Variants in PDE9A observed in about 807,000 individuals in gnomAD.
PDE9A encodes the protein phosphodiesterase 9A.
PDE9A carries 60 observed loss-of-function variants against 87.4 expected under a neutral mutation model. The ratio of observed to expected loss-of-function variants is 0.69; its 90% CI spans 0.56 to 0.85. The LOEUF is 0.85. Among genes scored for constraint, PDE9A ranks in the 40% least tolerant of loss-of-function variants. PDE9A has a pLI of 0.00. For synonymous variants in PDE9A, 272 were observed against 279.4 expected, an observed-to-expected ratio of 0.97 and a Z score of 0.27; for missense variants, 665 against 779.0, an observed-to-expected ratio of 0.85 and a Z score of 1.74.
chr21:42,724,213 A>C lies in PDE9A; in HGVS notation c.263-7557A>C, dbSNP rs145931830. On this transcript the variant is annotated intron_variant, in intron 4 of 19. Coordinates refer to ENST00000291539, the MANE Select transcript of PDE9A (RefSeq NM_002606.3). ...GTCACCCCAAGGATGATGACACCCC[A>C]GGGAAGGTGGTGGAAGCAGGAAGGG... Among the ~76,000 whole-genome samples the C allele has an allele frequency of 2.0e-3, 311 of 152,238 alleles. 1 individual carries two copies. Among genetic ancestry groups the C allele is most frequent in the African/African-American group, 7.1e-3 (295 of 41,562 alleles).
chr21:42,670,706 T>C (rs984295599), intron 1 of PDE9A, among the ~76,000 whole-genome samples: 4 of 149,310 alleles, frequency 2.7e-5, no homozygotes, highest in Non-Finnish European at 4.5e-5. Flanking sequence ...CACTCACACA[T>C]ACACTTACAC....
At chr21:42,671,585 T>G (rs1038341504) in intron 1 of PDE9A, among the ~76,000 whole-genome samples, 1 of 152,256 alleles carries the variant, frequency 6.6e-6, no homozygotes, top group African/African-American at 2.4e-5. Context: ...ATATATAATT[T>G]GTAACTAGAG....
At position 42,692,688 on chromosome 21, in the gene PDE9A, C is replaced by G. The variant is rs1016507925; in HGVS notation, c.218+4694C>G. On this transcript the variant is annotated intron_variant, in intron 3 of 19. Coordinates refer to ENST00000291539, the MANE Select transcript of PDE9A (RefSeq NM_002606.3). This position sits in a 1 kb window ranked among gnomAD's most constrained non-coding sequence, Gnocchi z 4.3. ...ACACGCCACTGATGCTCTTCTGACC[C>G]AGGGGCTTTTCTCTCCCGCTTCCGT... 1.3e-5 allele frequency among the ~76,000 whole-genome samples: 2 copies of G among 152,128 alleles called. No homozygotes were observed. Among genetic ancestry groups the G allele is most frequent in the African/African-American group, 4.8e-5 (2 of 41,424 alleles).
At position 42,670,347 on chromosome 21, in the gene PDE9A, TAC is replaced by T. The variant is rs377130654; in HGVS notation, c.70-15837_70-15836del. Among the ~76,000 whole-genome samples the T allele has an allele frequency of 3.3e-3, 346 of 103,294 alleles. 1 individual carries two copies. The highest frequency in any genetic ancestry group is 0.016 in the African/African-American group (263 of 16,778). The allele number at this position is 103,294 out of a possible 152,430, so 67.8% of individuals were successfully genotyped here. ...ACATTCACACACATTCACATACATTTACACACACATCCACACACACATTCACA... is the reference window on the plus strand; with the variant it reads ...ACATTCACACACATTCACATACATTTACACACATCCACACACACATTCACA... On this transcript the variant is annotated intron_variant, in intron 1 of 19. Coordinates refer to ENST00000291539, the MANE Select transcript of PDE9A (RefSeq NM_002606.3).
At chr21:42,656,536 G>T (rs2057087030) in intron 1 of PDE9A, among the ~76,000 whole-genome samples, 1 of 152,258 alleles carries the variant, frequency 6.6e-6, no homozygotes, top group Non-Finnish European at 1.5e-5. Context: ...TACCTGTGCA[G>T]GTAACCCTGC....
intron 13 of PDE9A, among the ~76,000 whole-genome samples, chr21:42,761,337 G>T (rs2055744872): frequency 6.6e-6 from 1 of 152,264 alleles, no homozygotes; most frequent in Non-Finnish European, 1.5e-5. Context: ...GGAGCCAGAA[G>T]AGAGCAGAAG....
At chr21:42,773,932 T>TCAC (rs1310780582) in intron 19 of PDE9A, among the ~76,000 whole-genome samples, 42 of 147,292 alleles carry the variant, frequency 2.9e-4, no homozygotes, top group African/African-American at 7.8e-4. Context: ...GTGAAACCCT[T>TCAC]CTCTACTAAA....
At position 42,666,825 on chromosome 21, in the gene PDE9A, A is replaced by G. The variant is rs187822193; in HGVS notation, c.69+12942A>G. ...TCAGTCCATAGCACCCGCTTTGGGAAGTGGGAATGACCTCTCCCTTCCCCA... is the reference window on the plus strand; with the variant it reads ...TCAGTCCATAGCACCCGCTTTGGGAGGTGGGAATGACCTCTCCCTTCCCCA... On this transcript the variant is annotated intron_variant, in intron 1 of 19. Coordinates refer to ENST00000291539, the MANE Select transcript of PDE9A (RefSeq NM_002606.3). Among the ~76,000 whole-genome samples, 760 of 152,354 alleles carry G rather than the reference A, an allele frequency of 5.0e-3. 3 individuals are homozygous for G. Among genetic ancestry groups the G allele is most frequent in the Middle Eastern group, 0.02 (6 of 294 alleles).
At chr21:42,664,370 CT>C (rs1411308017) in intron 1 of PDE9A, among the ~76,000 whole-genome samples, 2 of 152,230 alleles carry the variant, frequency 1.3e-5, no homozygotes, top group African/African-American at 4.8e-5. Flanking sequence ...GTGGCAGCCG[CT>C]CCTGATGGTG....
intron 1 of PDE9A, among the ~76,000 whole-genome samples, chr21:42,654,966 C>T (rs1485124931): frequency 6.6e-6 from 1 of 151,648 alleles, no homozygotes; most frequent in African/African-American, 2.4e-5. Context: ...AGCTGGGCAG[C>T]GGCAGACGCA....
chr21:42,669,413 C>T (rs2058258867), intron 1 of PDE9A, among the ~76,000 whole-genome samples: 2 of 152,220 alleles, frequency 1.3e-5, no homozygotes, highest in Admixed American at 6.5e-5. Flanking sequence ...TTTCACTCCA[C>T]ATTTGAATTG....
chr21:42,669,541 C>G (rs1054312735), intron 1 of PDE9A, among the ~76,000 whole-genome samples: 2 of 152,172 alleles, frequency 1.3e-5, no homozygotes, highest in African/African-American at 4.8e-5. Context: ...AGGAGATGAA[C>G]CTTGGGAGGC....
At chr21:42,699,094 T>A in intron 4 of PDE9A, 83 bp downstream of exon 4, 1 of 858,952 alleles carries the variant, frequency 1.2e-6, no homozygotes, top group South Asian at 1.4e-5. Context: ...ATATACTAGT[T>A]AAGCATTTGA....
chr21:42,675,080 C>G lies in PDE9A; in HGVS notation c.70-11112C>G, dbSNP rs1006343668. 1.3e-5 allele frequency among the ~76,000 whole-genome samples: 2 copies of G among 152,238 alleles called. No individual in the cohort carries two copies. The highest frequency in any genetic ancestry group is 1.5e-5 in the Non-Finnish European group (1 of 68,036). On this transcript the variant is annotated intron_variant, in intron 1 of 19. Coordinates refer to ENST00000291539, the MANE Select transcript of PDE9A (RefSeq NM_002606.3). The surrounding 1 kb of genome is among the most constrained non-coding windows in gnomAD (Gnocchi z 4.3). ...CCGAAGTGCCACAGTTGCTGGCGTT[C>G]TCACACAGGTGTGCGTTTAGGAGTG...
chr21:42,741,547 G>T (rs1375365592), intron 7 of PDE9A: 1 of 152,270 alleles, frequency 6.6e-6, no homozygotes, highest in Non-Finnish European at 1.5e-5. Context: ...TCCTCTAGCT[G>T]TTGGGTAGAA....
chr21:42,722,362 G>A lies in PDE9A; in HGVS notation c.263-9408G>A, dbSNP rs2050623981. ...GCTCAGCACCTCGCCCTGTTGCTCT[G>A]GGTTGGGACTAACAAGGTGAAACAT... On this transcript the variant is annotated intron_variant, in intron 4 of 19. Transcript: ENST00000291539. The surrounding 1 kb of genome is among the most constrained non-coding windows in gnomAD (Gnocchi z 4.1). 2.6e-5 allele frequency among the ~76,000 whole-genome samples: 4 copies of A among 152,202 alleles called. No individual in the cohort carries two copies. The highest frequency in any genetic ancestry group is 2.6e-4 in the Admixed American group (4 of 15,290).
In PDE9A at chr21:42,704,235, C is replaced by T. The variant is rs554203328; in HGVS notation, c.262+5224C>T. The stretch of plus-strand genomic sequence containing the variant: ...CTGCGCTTATTCCGCAGTGAGGAGT[C>T]GCTGGCTGTCCAGGGGAGCTGCATT... On this transcript the variant is annotated intron_variant, in intron 4 of 19. Transcript: ENST00000291539. The surrounding 1 kb of genome is among the most constrained non-coding windows in gnomAD (Gnocchi z 5.3). Among the ~76,000 whole-genome samples, 2 of 152,274 alleles carry T rather than the reference C, an allele frequency of 1.3e-5. No homozygotes were observed. Among genetic ancestry groups the T allele is most frequent in the African/African-American group, 4.8e-5 (2 of 41,570 alleles).
intron 1 of PDE9A, among the ~76,000 whole-genome samples, chr21:42,670,523 A>T (rs1346649884): frequency 7.1e-6 from 1 of 140,662 alleles, no homozygotes; most frequent in Non-Finnish European, 1.6e-5. Context: ...CACACAGGCA[A>T]TCACACATTC....
rs1028902467 is a variant in PDE9A, at chr21:42,653,955, G to A, written c.69+72G>A. 26 of 901,156 alleles carry A rather than the reference G, an allele frequency of 2.9e-5. No individual in the cohort carries two copies. In the African/African-American group the frequency reaches 4.6e-4, roughly 16 times the overall value. The allele number at this position is 901,156 out of a possible 1,614,324, so 55.8% of individuals were successfully genotyped here. On this transcript the variant is annotated intron_variant, in intron 1 of 19. Coordinates refer to ENST00000291539, the MANE Select transcript of PDE9A (RefSeq NM_002606.3). ...GCGCCGGGGCCGGGCGCGGCGGGGC[G>A]GGACTGTCCGTGCGTCTGCCGGTCC...
Sources: gnomAD v4.1 joint callset for allele counts (sites outside exome capture counted in the v4.1 genomes callset) on GRCh38, gnomAD v4.1.1 for gene constraint, Gnocchi (gnomAD v3.1) non-coding constraint, MANE v1.5 for transcripts, NCBI Gene and HGNC (gene_info 2026-07-23, HGNC 2026-07-21) for gene names.